CAPZB: variants seen among roughly 807,000 people sequenced by gnomAD.
CAPZB encodes F-actin-capping protein subunit beta.
CAPZB carries 2 observed loss-of-function variants against 38.1 expected under a neutral mutation model. That is an observed-to-expected ratio of 0.05 (90% CI 0.02 to 0.17). CAPZB has a LOEUF of 0.17. Ranked by LOEUF, CAPZB falls within the 10% of genes least tolerant of loss-of-function variation. CAPZB has a pLI of 1.00. For synonymous variants in CAPZB, 107 were observed against 127.4 expected (o/e 0.84, Z 1.08); for missense variants, 161 against 334.2 (o/e 0.48, Z 4.04).
chr1:19,432,453 G>GA (rs2094445386), intron 1 of CAPZB, among the ~76,000 whole-genome samples: 1 of 151,774 alleles, frequency 6.6e-6, no homozygotes, highest in Non-Finnish European at 1.5e-5. Flanking sequence ...AAAAAAATTT[G>GA]AAAAAAAGAA....
intron 1 of CAPZB, among the ~76,000 whole-genome samples, chr1:19,477,978 T>C (rs1289068806): frequency 6.6e-6 from 1 of 152,194 alleles, no homozygotes; most frequent in Non-Finnish European, 1.5e-5. Context: ...CAAACACTGT[T>C]AAATAAGATA....
rs2094435181 is a variant in CAPZB, at chr1:19,429,499, C to T, written c.4-9749G>A. Among the ~76,000 whole-genome samples the T allele has an allele frequency of 2.0e-5, 3 of 152,208 alleles. No individual in the cohort carries two copies. In the South Asian group the frequency reaches 6.2e-4, roughly 31 times the overall value. ...CTGCATAAGCAAGTCACCACCTCATCCCTTGGAACCTCAGTCTTCTTTAAA... is the reference window on the plus strand; with the variant it reads ...CTGCATAAGCAAGTCACCACCTCATTCCTTGGAACCTCAGTCTTCTTTAAA... On this transcript the variant is annotated intron_variant, in intron 1 of 8. Coordinates refer to ENST00000264202, the MANE Select transcript of CAPZB (RefSeq NM_004930.5).
chr1:19,482,850 T>C (rs903433426), intron 1 of CAPZB, among the ~76,000 whole-genome samples: 3 of 152,184 alleles, frequency 2.0e-5, no homozygotes, highest in Non-Finnish European at 4.4e-5. Context: ...ACGCCAACCA[T>C]CTACACCGGC....
chr1:19,343,194 C>T lies in CAPZB; in HGVS notation c.731+1164G>A, dbSNP rs117619322. Among the ~76,000 whole-genome samples, 793 of 152,354 alleles carry T rather than the reference C, an allele frequency of 5.2e-3. 27 individuals carry two copies. In the East Asian group the frequency reaches 0.1, roughly 20 times the overall value. On this transcript the variant is annotated intron_variant, in intron 8 of 8. Coordinates refer to ENST00000264202, the MANE Select transcript of CAPZB (RefSeq NM_004930.5). ...CAGTGGCTGCCAGTGGCAGGCCTAACGCCAGGGACCACTGGGCTCTAACCC... is the reference window on the plus strand; with the variant it reads ...CAGTGGCTGCCAGTGGCAGGCCTAATGCCAGGGACCACTGGGCTCTAACCC...
At chr1:19,484,703 C>T (rs2094644583) in intron 1 of CAPZB, 2 of 1,092,258 alleles carry the variant, frequency 1.8e-6, no homozygotes, top group Non-Finnish European at 2.2e-6. Flanking sequence ...GGGGCAGGAC[C>T]CTGATGAGAG....
At chr1:19,471,708 CCAA>C (rs1472783725) in intron 1 of CAPZB, among the ~76,000 whole-genome samples, 2 of 151,712 alleles carry the variant, frequency 1.3e-5, no homozygotes, top group African/African-American at 4.8e-5. Context: ...ACTAAAAATA[CCAA>C]AAAAAATTAG....
intron 1 of CAPZB, among the ~76,000 whole-genome samples, chr1:19,483,661 C>T (rs1052340734): frequency 6.6e-6 from 1 of 152,204 alleles, no homozygotes; most frequent in Admixed American, 6.5e-5. Context: ...GTCCTGAGTG[C>T]ACACTCAGGA....
At chr1:19,466,105 GAC>G (rs2100758255) in intron 1 of CAPZB, among the ~76,000 whole-genome samples, 1 of 152,302 alleles carries the variant, frequency 6.6e-6, no homozygotes, top group East Asian at 1.9e-4. Flanking sequence ...CTTTTATTGG[GAC>G]AGAGGCGACA....
chr1:19,394,114 C>T (rs1401494130), intron 2 of CAPZB, among the ~76,000 whole-genome samples: 1 of 152,364 alleles, frequency 6.6e-6, no homozygotes, highest in East Asian at 1.9e-4. Context: ...GATTCTCCTG[C>T]CTCAGCCTCA....
chr1:19,384,444 G>C (rs746364971), intron 3 of CAPZB, among the ~76,000 whole-genome samples: 1 of 152,274 alleles, frequency 6.6e-6, no homozygotes, highest in Non-Finnish European at 1.5e-5. Context: ...ATTTTCTTCA[G>C]GAAGCATTCT....
At chr1:19,437,037 A>G (rs1160928295) in intron 1 of CAPZB, among the ~76,000 whole-genome samples, 1 of 152,244 alleles carries the variant, frequency 6.6e-6, no homozygotes, top group Non-Finnish European at 1.5e-5. Flanking sequence ...AAGTTTCAGC[A>G]CATACCTCTA....
At chr1:19,484,281 G>A (rs185902090) in intron 1 of CAPZB, 2 of 1,611,230 alleles carry the variant, frequency 1.2e-6, no homozygotes, top group Non-Finnish European at 1.7e-6. Context: ...TGGGTGCATC[G>A]TGTCCAGGCC....
rs1451366383 is a variant in CAPZB, at chr1:19,356,893, GCT to G, written c.472-144_472-143del. 2 of 641,022 alleles carry G rather than the reference GCT, an allele frequency of 3.1e-6. No homozygotes were observed. Among genetic ancestry groups the G allele is most frequent in the East Asian group, 2.7e-5 (1 of 37,214 alleles). 39.7% of individuals were successfully genotyped at this position (641,022 alleles called of 1,614,324 possible). A position where few individuals can be genotyped will look rare whatever the true frequency, so the allele number is the denominator to read the frequency against. ...TTTTTTAAATTGGAGACAAAGTCTC[GCT>G]CTGTCACCCAGGCTGGAGTGCAGTG... On this transcript the variant is annotated intron_variant, in intron 5 of 8. Coordinates refer to ENST00000264202, the MANE Select transcript of CAPZB (RefSeq NM_004930.5). The surrounding 1 kb of genome is among the most constrained non-coding windows in gnomAD (Gnocchi z 4.3).
rs145063006 is a variant in CAPZB at position 19,471,135 on chromosome 1, G to A, written c.3+14301C>T. Among the ~76,000 whole-genome samples, 61 of 152,134 alleles carry A rather than the reference G, an allele frequency of 4.0e-4. No homozygotes were observed. In the East Asian group the frequency reaches 7.7e-3, roughly 19 times the overall value. On this transcript the variant is annotated intron_variant, in intron 1 of 8. Coordinates refer to ENST00000264202, the MANE Select transcript of CAPZB (RefSeq NM_004930.5). ...GTTATTATCAATAACTGATAACATCGAACAATTCTAACAACATACCATAAT... is the reference window on the plus strand; with the variant it reads ...GTTATTATCAATAACTGATAACATCAAACAATTCTAACAACATACCATAAT...
intron 1 of CAPZB, among the ~76,000 whole-genome samples, chr1:19,441,676 GAGA>G (rs2094477006): frequency 7.2e-6 from 1 of 139,172 alleles, no homozygotes; most frequent in Non-Finnish European, 1.6e-5. Flanking sequence ...AAGGCAGACA[GAGA>G]AAAAAAAAAA....
rs116302719 is a variant in CAPZB at position 19,443,062 on chromosome 1, G to A, written c.4-23312C>T. Among the ~76,000 whole-genome samples, 974 of 152,096 alleles carry A rather than the reference G, an allele frequency of 6.4e-3. 12 individuals are homozygous for A. Among genetic ancestry groups the A allele is most frequent in the African/African-American group, 0.022 (921 of 41,478 alleles). ...TCATAATTACATCCTTCTCTACAAT[G>A]ACCTTTCTTACTTTTATAACAGGAT... is the stretch of plus-strand genomic sequence containing the variant. On this transcript the variant is annotated intron_variant, in intron 1 of 8. Coordinates refer to ENST00000264202, the MANE Select transcript of CAPZB (RefSeq NM_004930.5).
In CAPZB at chr1:19,460,574, C is replaced by CTTTTT. The variant is rs35288971; in HGVS notation, c.3+24857_3+24861dup. On this transcript the variant is annotated intron_variant, in intron 1 of 8. Transcript: ENST00000264202. Reference sequence around the variant, plus strand: ...ACAGGCGTGAGCCACTGTGCCCAGGCTTTTTTTTTTTTTTTTTTTTTTTGT... The same window carrying CTTTTT: ...ACAGGCGTGAGCCACTGTGCCCAGGCTTTTTTTTTTTTTTTTTTTTTTTTTTTTGT... Among the ~76,000 whole-genome samples the CTTTTT allele has an allele frequency of 1.7e-3, 152 of 90,976 alleles. 3 individuals are homozygous for CTTTTT. Among genetic ancestry groups the CTTTTT allele is most frequent in the African/African-American group, 3.2e-3 (70 of 21,762 alleles). 59.7% of individuals were successfully genotyped at this position (90,976 alleles called of 152,430 possible). A position where few individuals can be genotyped will look rare whatever the true frequency, so the allele number is the denominator to read the frequency against.
chr1:19,371,354 T>C (rs1466254707), intron 4 of CAPZB, among the ~76,000 whole-genome samples: 1 of 152,236 alleles, frequency 6.6e-6, no homozygotes, highest in Non-Finnish European at 1.5e-5. Context: ...CACGTACAGA[T>C]ACCTGCTGCA....
chr1:19,364,247 G>A (rs1229974200), intron 4 of CAPZB, among the ~76,000 whole-genome samples: 5 of 152,182 alleles, frequency 3.3e-5, no homozygotes, highest in East Asian at 1.9e-4. Flanking sequence ...AGAGGCCAGC[G>A]TAGAGGGTCC....
Sources: gnomAD v4.1 joint callset for allele counts (sites outside exome capture counted in the v4.1 genomes callset) on GRCh38, gnomAD v4.1.1 for gene constraint, Gnocchi (gnomAD v3.1) non-coding constraint, MANE v1.5 for transcripts, NCBI Gene and HGNC (gene_info 2026-07-23, HGNC 2026-07-21) for gene names.